MMP26: variants seen among roughly 807,000 people sequenced by gnomAD.
MMP26 encodes matrix metallopeptidase 26.
Under a neutral mutation model 31.0 loss-of-function variants are expected in MMP26, and 33 were observed. The ratio of observed to expected loss-of-function variants is 1.06; its 90% CI spans 0.81 to 1.42. MMP26 has a LOEUF of 1.42. MMP26 is among the 40% of genes most tolerant of loss of function. MMP26 has a pLI of 0.00. For missense variants in MMP26, 347 were observed against 316.1 expected, an observed-to-expected ratio of 1.10 and a Z score of -0.74; for synonymous variants, 122 against 114.9, an observed-to-expected ratio of 1.06 and a Z score of -0.40.
At chr11:4,933,534 T>G (rs796679878) in intron 2 of MMP26, among the ~76,000 whole-genome samples, 2 of 140,418 alleles carry the variant, frequency 1.4e-5, no homozygotes, top group South Asian at 4.8e-4. Context: ...TTTGTTTTTT[T>G]TTTTGTTTGT....
chr11:4,710,540 C>T (rs1232783502), intron 1 of MMP26: 2 of 394,782 alleles, frequency 5.1e-6, no homozygotes, highest in Non-Finnish European at 1.0e-5. Flanking sequence ...TCCTTCTTTA[C>T]CAAGTCTTCC....
intron 2 of MMP26, among the ~76,000 whole-genome samples, chr11:4,925,173 G>A (rs1408425888): frequency 3.9e-5 from 6 of 152,098 alleles, no homozygotes; most frequent in African/African-American, 7.2e-5. Flanking sequence ...AAATTGTAGC[G>A]CAGAGAGGTA....
At chr11:4,900,306 C>A (rs1306277626) in intron 2 of MMP26, among the ~76,000 whole-genome samples, 28 of 152,232 alleles carry the variant, frequency 1.8e-4, no homozygotes, top group Non-Finnish European at 5.9e-5. Flanking sequence ...ATAAAACAAA[C>A]CTACACCCAT....
chr11:4,812,449 C>T lies in MMP26; in HGVS notation c.-145+45108C>T, dbSNP rs551820826. On this transcript the variant is annotated intron_variant, in intron 2 of 7. Coordinates refer to ENST00000380390, the MANE Select transcript of MMP26 (RefSeq NM_021801.5). ...GAAGACAGACAGCCACAGTAGAACG[C>T]GTGGCCTGTACTTTTTCTGAAGAGG... is the stretch of plus-strand genomic sequence containing the variant. 1.1e-4 allele frequency among the ~76,000 whole-genome samples: 17 copies of T among 152,108 alleles called. No homozygotes were observed. In the East Asian group the frequency reaches 1.9e-3, roughly 17 times the overall value.
intron 2 of MMP26, among the ~76,000 whole-genome samples, chr11:4,974,297 GA>G (rs200157541): frequency 0.019 from 2,910 of 150,418 alleles, 81 homozygotes; most frequent in African/African-American, 0.041. Flanking sequence ...AAATTCAGCT[GA>G]AAAAAAAGGT....
chr11:4,913,772 C>T (rs1340038013), intron 2 of MMP26: 1 of 152,206 alleles, frequency 6.6e-6, no homozygotes, highest in African/African-American at 2.4e-5. Context: ...CTCTCTCTCA[C>T]TTCTGCTTCA....
chr11:4,963,544 C>T (rs577406237), intron 2 of MMP26, among the ~76,000 whole-genome samples: 8 of 152,118 alleles, frequency 5.3e-5, no homozygotes, highest in Non-Finnish European at 7.4e-5. Context: ...ATATATAGAC[C>T]GATGGAACAG....
At chr11:4,821,540 C>A in intron 2 of MMP26, 2 of 1,612,110 alleles carry the variant, frequency 1.2e-6, no homozygotes, top group African/African-American at 1.3e-5. Flanking sequence ...TATGTTGTTG[C>A]CGTCTCTGGA....
At chr11:4,758,374 T>C (rs181898745) in intron 1 of MMP26, among the ~76,000 whole-genome samples, 4 of 151,380 alleles carry the variant, frequency 2.6e-5, no homozygotes, top group Admixed American at 6.6e-5. Flanking sequence ...CAAGTGAACA[T>C]TGAGTTACGT....
At chr11:4,811,592 A>G (rs1487938707) in intron 2 of MMP26, among the ~76,000 whole-genome samples, 1 of 151,932 alleles carries the variant, frequency 6.6e-6, no homozygotes, top group Admixed American at 6.6e-5. Context: ...TATTTCCTTT[A>G]TCTTCGGTAT....
At chr11:4,778,098 C>G (rs1199435724) in intron 2 of MMP26, among the ~76,000 whole-genome samples, 1 of 152,036 alleles carries the variant, frequency 6.6e-6, no homozygotes, top group Non-Finnish European at 1.5e-5. Context: ...CATGGCAGTT[C>G]AAATCAATTC....
chr11:4,826,862 A>G (rs993515887), intron 2 of MMP26, among the ~76,000 whole-genome samples: 1 of 152,166 alleles, frequency 6.6e-6, no homozygotes, highest in African/African-American at 2.4e-5. Flanking sequence ...GCCTTATCAA[A>G]TACGTCTCGG....
intron 2 of MMP26, among the ~76,000 whole-genome samples, chr11:4,797,549 C>A (rs1172737574): frequency 1.3e-5 from 2 of 152,074 alleles, no homozygotes; most frequent in African/African-American, 4.8e-5. Context: ...TCCACTGAGC[C>A]CTTTCTATTC....
chr11:4,709,704 A>G (rs1477173199), intron 1 of MMP26: 1 of 459,798 alleles, frequency 2.2e-6, no homozygotes, highest in Non-Finnish European at 4.4e-6. Context: ...TGGGAATGGC[A>G]TGATCCTGTT....
chr11:4,805,084 C>T (rs1179628459), intron 2 of MMP26, among the ~76,000 whole-genome samples: 2 of 152,024 alleles, frequency 1.3e-5, no homozygotes, highest in East Asian at 3.8e-4. Flanking sequence ...ATAGAACTAA[C>T]AGCTGATTAG....
At chr11:4,708,276 T>C (rs981671481) in intron 1 of MMP26, among the ~76,000 whole-genome samples, 3 of 152,222 alleles carry the variant, frequency 2.0e-5, no homozygotes, top group African/African-American at 4.8e-5. Context: ...CCACTATCTT[T>C]CTTTGCGTGT....
At chr11:4,717,231 A>T (rs929373459) in intron 1 of MMP26, among the ~76,000 whole-genome samples, 2 of 152,056 alleles carry the variant, frequency 1.3e-5, no homozygotes, top group African/African-American at 4.8e-5. Context: ...GAACTATCCT[A>T]TTATTTCCTT....
At chr11:4,740,893 T>C (rs1465164381) in intron 1 of MMP26, among the ~76,000 whole-genome samples, 1 of 152,110 alleles carries the variant, frequency 6.6e-6, no homozygotes, top group Admixed American at 6.5e-5. Context: ...CCTAAAAGCA[T>C]TGATTTTATT....
At chr11:4,980,601 C>T (rs7108624) in intron 2 of MMP26, among the ~76,000 whole-genome samples, 103,632 of 151,882 alleles carry the variant, frequency 0.68, 35,979 homozygotes, top group African/African-American at 0.81. Flanking sequence ...ATAGTGAAAG[C>T]TGTGCAAATA....
Sources: gnomAD v4.1 joint callset for allele counts (sites outside exome capture counted in the v4.1 genomes callset) on GRCh38, gnomAD v4.1.1 for gene constraint, MANE v1.5 for transcripts, NCBI Gene and HGNC (gene_info 2026-07-23, HGNC 2026-07-21) for gene names.